NBEA: variants seen among roughly 807,000 people sequenced by gnomAD.
NBEA encodes neurobeachin, also known as lysosomal-trafficking regulator 2.
A neutral mutation model predicts 343.4 loss-of-function variants in NBEA; 44 were observed. The ratio of observed to expected loss-of-function variants is 0.13; its 90% CI spans 0.10 to 0.16. The LOEUF is 0.16. Ranked by LOEUF, NBEA falls within the 10% of genes least tolerant of loss-of-function variation. The pLI, the probability that NBEA is intolerant of heterozygous loss-of-function variation, is 1.00. For synonymous variants in NBEA, 1,175 were observed against 1,238.7 expected, an observed-to-expected ratio of 0.95 and a Z score of 1.08; for missense variants, 2,555 against 3,631.3, an observed-to-expected ratio of 0.70 and a Z score of 7.62.
intron 33 of NBEA, among the ~76,000 whole-genome samples, chr13:35,211,586 G>T (rs1161893871): frequency 6.6e-6 from 1 of 152,034 alleles, no homozygotes. Flanking sequence ...AGGCCGAGGA[G>T]GGCAGATCAC....
chr13:35,609,325 A>C (rs2082407526), intron 48 of NBEA, among the ~76,000 whole-genome samples: 1 of 152,226 alleles, frequency 6.6e-6, no homozygotes, highest in Non-Finnish European at 1.5e-5. Flanking sequence ...TCCTGCTAGA[A>C]GAGTACTATT....
chr13:35,465,084 T>C (rs756113711), intron 40 of NBEA, among the ~76,000 whole-genome samples: 2 of 152,244 alleles, frequency 1.3e-5, no homozygotes, highest in Non-Finnish European at 2.9e-5. Context: ...ATAACTCTCA[T>C]TGGTTTTCAG....
chr13:35,461,078 G>A (rs995464078), intron 40 of NBEA, among the ~76,000 whole-genome samples: 4 of 152,042 alleles, frequency 2.6e-5, no homozygotes, highest in African/African-American at 9.7e-5. Flanking sequence ...CACTCACAAG[G>A]ACAGGGCCCT....
chr13:34,992,539 G>A (rs974174907), intron 1 of NBEA, among the ~76,000 whole-genome samples: 1 of 151,346 alleles, frequency 6.6e-6, no homozygotes, highest in African/African-American at 2.4e-5. Flanking sequence ...TCCCTTAATG[G>A]GGAGAAAAGG....
At chr13:34,947,048 A>G (rs1199517679) in intron 1 of NBEA, among the ~76,000 whole-genome samples, 2 of 151,816 alleles carry the variant, frequency 1.3e-5, no homozygotes, top group African/African-American at 4.8e-5. Flanking sequence ...TACTAATAAA[A>G]CCACATTTAT....
At chr13:35,531,915 A>G (rs142962263) in intron 41 of NBEA, among the ~76,000 whole-genome samples, 41 of 152,276 alleles carry the variant, frequency 2.7e-4, no homozygotes, top group African/African-American at 8.4e-4. Flanking sequence ...ATTTTGCCAT[A>G]TGTAAAAGCA....
At chr13:35,074,265 C>T (rs1025790157) in intron 10 of NBEA, among the ~76,000 whole-genome samples, 2 of 152,002 alleles carry the variant, frequency 1.3e-5, no homozygotes, top group East Asian at 3.8e-4. Context: ...ATTATGTAGA[C>T]TGAGTACATA....
intron 1 of NBEA, among the ~76,000 whole-genome samples, chr13:34,966,525 C>T (rs2059824782): frequency 6.6e-6 from 1 of 151,650 alleles, no homozygotes; most frequent in South Asian, 2.1e-4. Flanking sequence ...CTGTAAATAA[C>T]TTGGCCTTTG....
intron 38 of NBEA, among the ~76,000 whole-genome samples, chr13:35,361,769 A>G (rs967990301): frequency 6.6e-6 from 1 of 152,034 alleles, no homozygotes; most frequent in African/African-American, 2.4e-5. Context: ...CTGGGAAAAA[A>G]TACTTTTAAA....
intron 34 of NBEA, among the ~76,000 whole-genome samples, chr13:35,254,829 A>C (rs1459522696): frequency 1.3e-5 from 2 of 152,096 alleles, no homozygotes; most frequent in Admixed American, 1.3e-4. Context: ...CAAAATTTCA[A>C]ATTGGTAAGA....
At chr13:35,660,171 C>G (rs2085015880) in intron 55 of NBEA, among the ~76,000 whole-genome samples, 1 of 152,174 alleles carries the variant, frequency 6.6e-6, no homozygotes, top group Non-Finnish European at 1.5e-5. Context: ...CGTGCTGTAG[C>G]TTCCAACAAG....
intron 38 of NBEA, among the ~76,000 whole-genome samples, chr13:35,392,490 T>C (rs1566067324): frequency 6.6e-6 from 1 of 151,664 alleles, no homozygotes; most frequent in South Asian, 2.1e-4. Flanking sequence ...TTTTGTTTTT[T>C]TTTTTTGCCT....
intron 2 of NBEA, 78 bp downstream of exon 2, chr13:35,041,242 A>G: frequency 8.8e-7 from 1 of 1,137,182 alleles, no homozygotes; most frequent in Admixed American, 2.5e-5. Flanking sequence ...TTCTATAGGT[A>G]ATGTAGATTT....
chr13:35,246,193 A>G (rs1167796039), intron 34 of NBEA, among the ~76,000 whole-genome samples: 1 of 151,998 alleles, frequency 6.6e-6, no homozygotes, highest in Non-Finnish European at 1.5e-5. Context: ...GTCATATCTT[A>G]TATCACTTTT....
intron 36 of NBEA, among the ~76,000 whole-genome samples, chr13:35,337,243 G>A (rs965868868): frequency 3.9e-5 from 6 of 151,984 alleles, no homozygotes; most frequent in Non-Finnish European, 5.9e-5. Flanking sequence ...TTTATAAAAA[G>A]GATTCAACTG....
At chr13:35,291,809 C>T (rs1320593527) in intron 35 of NBEA, among the ~76,000 whole-genome samples, 1 of 151,672 alleles carries the variant, frequency 6.6e-6, no homozygotes. Context: ...CCATTAAGGG[C>T]CCTAGAGATG....
At chr13:35,028,632 T>G (rs2062094809) in intron 1 of NBEA, among the ~76,000 whole-genome samples, 2 of 151,764 alleles carry the variant, frequency 1.3e-5, no homozygotes, top group Admixed American at 6.6e-5. Flanking sequence ...TATCTTTTAT[T>G]TCCTTTGTTT....
rs570899393 is a variant in NBEA at position 35,308,450 on chromosome 13, A to G, written c.5839-1078A>G. ...ACACTGCTATTTACTATATATATAT[A>G]TATATATATATATATATATATATGT... On this transcript the variant is annotated intron_variant, in intron 35 of 58. Transcript: ENST00000379939. 3.5e-3 allele frequency among the ~76,000 whole-genome samples: 407 copies of G among 115,168 alleles called. 6 individuals carry two copies. Among genetic ancestry groups the G allele is most frequent in the Admixed American group, 0.018 (196 of 11,016 alleles). The allele number at this position is 115,168 out of a possible 152,430, so 75.6% of individuals were successfully genotyped here.
At chr13:34,993,653 G>A (rs1251899325) in intron 1 of NBEA, among the ~76,000 whole-genome samples, 4 of 152,144 alleles carry the variant, frequency 2.6e-5, no homozygotes, top group Non-Finnish European at 5.9e-5. Flanking sequence ...ACTGTTTTTC[G>A]TGGTTTGAGT....
Sources: gnomAD v4.1 joint callset for allele counts (sites outside exome capture counted in the v4.1 genomes callset) on GRCh38, gnomAD v4.1.1 for gene constraint, MANE v1.5 for transcripts, NCBI Gene and HGNC (gene_info 2026-07-23, HGNC 2026-07-21) for gene names.